PCDHGA5: variants seen among roughly 807,000 people sequenced by gnomAD.
The protein encoded by PCDHGA5 is protocadherin gamma subfamily A, 5, also known as protocadherin gamma-A5.
A neutral mutation model predicts 56.7 loss-of-function variants in PCDHGA5; 36 were observed. The ratio of observed to expected loss-of-function variants is 0.64; its 90% CI spans 0.49 to 0.84. The LOEUF (loss-of-function observed/expected upper bound fraction) is 0.84. PCDHGA5 is among the 40% of genes least tolerant of loss of function. PCDHGA5 has a pLI of 0.00. For missense variants in PCDHGA5, 1,305 were observed against 1,201.5 expected (o/e 1.09, Z -1.27); for synonymous variants, 563 against 520.2 (o/e 1.08, Z -1.12).
Position 141,486,046 on chromosome 5 carries a change from C to G in PCDHGA5, c.2422-8761C>G. 1.2e-6 allele frequency: 2 copies of G among 1,614,170 alleles called. No individual in the cohort carries two copies. Among genetic ancestry groups the G allele is most frequent in the Non-Finnish European group, 1.7e-6 (2 of 1,180,036 alleles). The stretch of plus-strand genomic sequence containing the variant: ...GTCATACCCCTGATCGTGTAAGAAA[C>G]CTCTTTAGCCTGCACCCCACTACTG... On this transcript the variant is annotated intron_variant, in intron 1 of 3. Coordinates refer to ENST00000518069, the MANE Select transcript of PCDHGA5 (RefSeq NM_018918.3). This position sits in a 1 kb window ranked among gnomAD's most constrained non-coding sequence, Gnocchi z 5.0.
chr5:141,423,811 T>G, intron 1 of PCDHGA5: 1 of 1,254,642 alleles, frequency 8.0e-7, no homozygotes, highest in Non-Finnish European at 1.0e-6. Flanking sequence ...ACATGTGAGT[T>G]TTACTTTGCC....
chr5:141,390,373 A>T, intron 1 of PCDHGA5: 1 of 1,481,208 alleles, frequency 6.8e-7, no homozygotes, highest in Non-Finnish European at 9.2e-7. Flanking sequence ...AAAATATATA[A>T]TTTTTAGATG....
At position 141,372,451 on chromosome 5, in the gene PCDHGA5, C is replaced by G. The variant is rs749000608; in HGVS notation, c.2421+5700C>G. 8 of 1,614,042 alleles carry G rather than the reference C, an allele frequency of 5.0e-6. No individual in the cohort carries two copies. In the East Asian group the frequency reaches 1.6e-4, roughly 31 times the overall value. On this transcript the variant is annotated intron_variant, in intron 1 of 3. Coordinates refer to ENST00000518069, the MANE Select transcript of PCDHGA5 (RefSeq NM_018918.3). The stretch of plus-strand genomic sequence containing the variant: ...CGCCCCACTCCCTCTGACCCTCAGG[C>G]GGAGCTACAGTTTCACCTAGTAGTG...
intron 1 of PCDHGA5, among the ~76,000 whole-genome samples, chr5:141,369,620 T>G (rs1766381490): frequency 6.6e-6 from 1 of 152,226 alleles, no homozygotes; most frequent in Non-Finnish European, 1.5e-5. Context: ...AATCATTTCC[T>G]CATTACCTTT....
At chr5:141,374,328 G>T in intron 1 of PCDHGA5, 1 of 1,613,996 alleles carries the variant, frequency 6.2e-7, no homozygotes, top group Non-Finnish European at 8.5e-7. Flanking sequence ...CCGCGAAACG[G>T]CAGCTTGGTC....
chr5:141,419,218 A>G, intron 1 of PCDHGA5: 1 of 1,613,940 alleles, frequency 6.2e-7, no homozygotes, highest in Non-Finnish European at 8.5e-7. Flanking sequence ...CGGTTTTCGG[A>G]CAGTCAGCCT....
intron 1 of PCDHGA5, among the ~76,000 whole-genome samples, chr5:141,433,653 T>C (rs1030084681): frequency 6.6e-6 from 1 of 152,024 alleles, no homozygotes; most frequent in Non-Finnish European, 1.5e-5. Flanking sequence ...CTGACCAACA[T>C]GGAGAAACCC....
chr5:141,410,685 A>G, intron 1 of PCDHGA5: 1 of 1,528,540 alleles, frequency 6.5e-7, no homozygotes, highest in Non-Finnish European at 8.7e-7. Flanking sequence ...TTTTAGGCAT[A>G]CTACTTTATT....
At position 141,409,172 on chromosome 5, in the gene PCDHGA5, G is replaced by T. The variant is rs574905228; in HGVS notation, c.2421+42421G>T. ...CACCATGGAAGTGGAAGCGAAGGAC[G>T]GAGGTGGTCTCTCTACCCAGTGTAA... On this transcript the variant is annotated intron_variant, in intron 1 of 3. Coordinates refer to ENST00000518069, the MANE Select transcript of PCDHGA5 (RefSeq NM_018918.3). The T allele has an allele frequency of 1.4e-5, 22 of 1,614,006 alleles. No homozygotes were observed. In the South Asian group the frequency reaches 2.4e-4, roughly 18 times the overall value.
rs922804811 is a variant in PCDHGA5 at position 141,432,794 on chromosome 5, G to A, written c.2422-62013G>A. On this transcript the variant is annotated intron_variant, in intron 1 of 3. Coordinates refer to ENST00000518069, the MANE Select transcript of PCDHGA5 (RefSeq NM_018918.3). This position sits in a 1 kb window ranked among gnomAD's most constrained non-coding sequence, Gnocchi z 6.0. ...AGTCCTGGCGGACCTCGGCAGCCTC[G>A]AGTCTCCAGCTAACTCTGAAACCTC... The A allele has an allele frequency of 3.7e-6, 6 of 1,614,138 alleles. No homozygotes were observed. Among genetic ancestry groups the A allele is most frequent in the Non-Finnish European group, 5.1e-6 (6 of 1,180,000 alleles).
intron 1 of PCDHGA5, chr5:141,415,947 C>G: frequency 1.9e-6 from 1 of 532,382 alleles, no homozygotes; most frequent in Non-Finnish European, 2.8e-6. Flanking sequence ...CCTGGGTGGT[C>G]ACATATTGAA....
At chr5:141,389,998 T>C (rs755639909) in intron 1 of PCDHGA5, 1 of 1,614,046 alleles carries the variant, frequency 6.2e-7, no homozygotes, top group East Asian at 2.2e-5. Context: ...CTCGTGGCCA[T>C]GATTCTGGCC....
Position 141,432,326 on chromosome 5 carries a change from G to C in PCDHGA5, c.2422-62481G>C. The C allele has an allele frequency of 1.2e-6, 2 of 1,614,228 alleles. No individual in the cohort carries two copies. The highest frequency in any genetic ancestry group is 2.2e-5 in the East Asian group (1 of 44,890). On this transcript the variant is annotated intron_variant, in intron 1 of 3. Transcript: ENST00000518069. This position sits in a 1 kb window ranked among gnomAD's most constrained non-coding sequence, Gnocchi z 6.0. ...GTATGCGCTGAGCTCCTTCGACTAC[G>C]AGCAGTTCCGAGACTTGCAAGTGAA...
intron 1 of PCDHGA5, chr5:141,399,995 G>T (rs1042095164): frequency 1.9e-6 from 3 of 1,612,094 alleles, no homozygotes; most frequent in Non-Finnish European, 2.5e-6. Context: ...GGAGAGGTGC[G>T]CACAGCGCGT....
chr5:141,503,213 A>G (rs1368413073), intron 2 of PCDHGA5, among the ~76,000 whole-genome samples: 1 of 152,100 alleles, frequency 6.6e-6, no homozygotes, highest in Non-Finnish European at 1.5e-5. Flanking sequence ...AGTGCCCACC[A>G]TGAGCACCGT....
chr5:141,384,219 G>A lies in PCDHGA5; in HGVS notation c.2421+17468G>A, dbSNP rs1283583728. The A allele has an allele frequency of 2.5e-6, 4 of 1,613,744 alleles. No individual in the cohort carries two copies. The East Asian group carries it at 8.9e-5, about 36-fold the overall frequency. On this transcript the variant is annotated intron_variant, in intron 1 of 3. Coordinates refer to ENST00000518069, the MANE Select transcript of PCDHGA5 (RefSeq NM_018918.3). ...TGTCCAGGGAAACTCACATATTCAT[G>A]CAGGTGGCAGACACCAACGATAACC... is the stretch of plus-strand genomic sequence containing the variant.
chr5:141,506,085 G>A lies in PCDHGA5; in HGVS notation c.2569+604G>A, dbSNP rs532931472. Among the ~76,000 whole-genome samples the A allele has an allele frequency of 2.6e-4, 39 of 152,168 alleles. 1 individual carries two copies. In the South Asian group the frequency reaches 2.9e-3, roughly 11 times the overall value. On this transcript the variant is annotated intron_variant, in intron 3 of 3. Coordinates refer to ENST00000518069, the MANE Select transcript of PCDHGA5 (RefSeq NM_018918.3). ...AGGGCTTCCTTTGTAATAGAGATTC[G>A]GCTAGTGGTGGTTGTCCCTGAAGAG...
chr5:141,408,380 G>T, intron 1 of PCDHGA5: 1 of 1,614,028 alleles, frequency 6.2e-7, no homozygotes, highest in East Asian at 2.2e-5. Context: ...CAGTGTCCTG[G>T]ATGTGTCGGC....
intron 1 of PCDHGA5, among the ~76,000 whole-genome samples, chr5:141,429,377 G>GTT (rs566693637): frequency 2.2e-4 from 33 of 149,524 alleles, no homozygotes; most frequent in South Asian, 1.5e-3. Context: ...GAGAAAATGT[G>GTT]TTTTTTTTTT....
Sources: allele counts gnomAD v4.1 joint callset (sites outside exome capture counted in the v4.1 genomes callset), GRCh38; gene constraint gnomAD v4.1.1; non-coding constraint Gnocchi (gnomAD v3.1); transcripts MANE v1.5; gene names NCBI Gene and HGNC (gene_info 2026-07-23, HGNC 2026-07-21).